Variants in CLDN10 observed in about 807,000 individuals in gnomAD.
The protein encoded by CLDN10 is claudin-10.
A neutral mutation model predicts 22.9 loss-of-function variants in CLDN10; 15 were observed. That is an observed-to-expected ratio of 0.65 (90% CI 0.44 to 1.01). CLDN10 has a LOEUF of 1.01. Among genes scored for constraint, CLDN10 ranks in the 50% least tolerant of loss-of-function variants. The pLI is 0.00. For synonymous variants in CLDN10, 114 were observed against 111.4 expected, an observed-to-expected ratio of 1.02 and a Z score of -0.15; for missense variants, 247 against 287.8, an observed-to-expected ratio of 0.86 and a Z score of 1.03.
chr13:95,501,707 GC>G (rs755452236), intron 1 of CLDN10, among the ~76,000 whole-genome samples: 1 of 151,894 alleles, frequency 6.6e-6, no homozygotes, highest in Non-Finnish European at 1.5e-5. Context: ...ATTGGGTCTT[GC>G]CTATTTTATC....
chr13:95,535,167 AC>A (rs1483460671), intron 1 of CLDN10, among the ~76,000 whole-genome samples: 8 of 152,336 alleles, frequency 5.3e-5, no homozygotes, highest in African/African-American at 1.4e-4. Context: ...ATCCTAGGAT[AC>A]CTTTTGTGTC....
intron 1 of CLDN10, among the ~76,000 whole-genome samples, chr13:95,481,010 GCTTCTTGA>G (rs1402023145): frequency 1.3e-5 from 2 of 152,128 alleles, no homozygotes; most frequent in African/African-American, 4.8e-5. Context: ...TGAGGAACTT[GCTTCTTGA>G]GCAAGAGGAC....
chr13:95,572,159 G>A (rs375299098), intron 3 of CLDN10, among the ~76,000 whole-genome samples: 24 of 152,220 alleles, frequency 1.6e-4, no homozygotes, highest in South Asian at 1.0e-3. Flanking sequence ...AAGGCAGCCC[G>A]AGGGCATTCA....
intron 1 of CLDN10, among the ~76,000 whole-genome samples, chr13:95,504,545 A>G (rs905251361): frequency 3.3e-5 from 5 of 151,914 alleles, no homozygotes; most frequent in African/African-American, 1.2e-4. Context: ...ACGCCCAGCT[A>G]ATTTTTATAT....
At chr13:95,542,746 G>A (rs1186563362) in intron 1 of CLDN10, among the ~76,000 whole-genome samples, 1 of 152,146 alleles carries the variant, frequency 6.6e-6, no homozygotes, top group East Asian at 1.9e-4. Flanking sequence ...GGCAGAAATT[G>A]CAGTGAGCCA....
chr13:95,548,999 G>T (rs891617756), upstream of CLDN10, among the ~76,000 whole-genome samples: 4 of 152,008 alleles, frequency 2.6e-5, no homozygotes, highest in Non-Finnish European at 4.4e-5. Context: ...ACCCCAGGGT[G>T]GGGGGGATCC....
chr13:95,521,075 T>C (rs1437788897), intron 1 of CLDN10, among the ~76,000 whole-genome samples: 5 of 149,958 alleles, frequency 3.3e-5, no homozygotes, highest in Non-Finnish European at 7.4e-5. Context: ...ATACTAATAA[T>C]TTTTCTGTAG....
At chr13:95,504,538 C>T (rs925349691) in intron 1 of CLDN10, among the ~76,000 whole-genome samples, 39 of 152,214 alleles carry the variant, frequency 2.6e-4, no homozygotes, top group Admixed American at 2.5e-3. Context: ...TGCCACCACG[C>T]CCAGCTAATT....
At chr13:95,486,330 C>T (rs2042802803) in intron 1 of CLDN10, among the ~76,000 whole-genome samples, 1 of 152,104 alleles carries the variant, frequency 6.6e-6, no homozygotes, top group Non-Finnish European at 1.5e-5. Context: ...TGAGACCAGC[C>T]TGGCCAACAT....
At chr13:95,479,123 G>C (rs376697395) in intron 1 of CLDN10, among the ~76,000 whole-genome samples, 12 of 152,358 alleles carry the variant, frequency 7.9e-5, no homozygotes, top group African/African-American at 2.6e-4. Context: ...GGCCGAGGCA[G>C]GCAGATCACG....
intron 1 of CLDN10, among the ~76,000 whole-genome samples, chr13:95,542,737 G>A (rs1473516472): frequency 6.6e-6 from 1 of 152,140 alleles, no homozygotes; most frequent in Non-Finnish European, 1.5e-5. Context: ...AACCCAGGAG[G>A]CAGAAATTGC....
chr13:95,568,411 G>A (rs767061698), intron 3 of CLDN10, among the ~76,000 whole-genome samples: 2 of 152,066 alleles, frequency 1.3e-5, no homozygotes, highest in Non-Finnish European at 2.9e-5. Flanking sequence ...AATATTTGGC[G>A]CTCTCTTTTG....
At chr13:95,453,933 C>T (rs1438577810) in intron 1 of CLDN10, among the ~76,000 whole-genome samples, 1 of 150,448 alleles carries the variant, frequency 6.6e-6, no homozygotes, top group Non-Finnish European at 1.5e-5. Context: ...GCCAACATTG[C>T]TCATCAATCT....
chr13:95,482,661 A>T (rs973095690), intron 1 of CLDN10, among the ~76,000 whole-genome samples: 20 of 152,184 alleles, frequency 1.3e-4, no homozygotes, highest in Admixed American at 1.1e-3. Flanking sequence ...CTCATGATGT[A>T]CTTAATCCTG....
chr13:95,499,940 A>G (rs2042967642), intron 1 of CLDN10, among the ~76,000 whole-genome samples: 1 of 152,222 alleles, frequency 6.6e-6, no homozygotes. Context: ...AAAATACCAC[A>G]AGAAAATTTC....
chr13:95,570,818 G>GTA (rs1302838719), intron 3 of CLDN10, among the ~76,000 whole-genome samples: 75 of 123,098 alleles, frequency 6.1e-4, no homozygotes, highest in African/African-American at 1.1e-3. Context: ...ATTTAAAAAT[G>GTA]TATATATATA....
Position 95,542,508 on chromosome 13 carries a change from A to G in CLDN10, c.215-17624A>G, listed in dbSNP as rs73547041. On this transcript the variant is annotated intron_variant, in intron 1 of 4. Coordinates refer to the CLDN10 transcript ENST00000376873. ...ATACTGCACTGGAAATATGTATGCT[A>G]CATTCACTAAATAATTTTAAAATGA... Among the ~76,000 whole-genome samples the G allele has an allele frequency of 2.5e-3, 375 of 152,352 alleles. 2 individuals carry two copies. Among genetic ancestry groups the G allele is most frequent in the African/African-American group, 8.7e-3 (360 of 41,580 alleles).
At chr13:95,450,680 A>C (rs1485599065) in intron 1 of CLDN10, among the ~76,000 whole-genome samples, 1 of 152,124 alleles carries the variant, frequency 6.6e-6, no homozygotes, top group Non-Finnish European at 1.5e-5. Context: ...AGCCAATGCA[A>C]AGTCCTGTCA....
chr13:95,506,031 C>T (rs936516075), intron 1 of CLDN10, among the ~76,000 whole-genome samples: 7 of 152,146 alleles, frequency 4.6e-5, no homozygotes, highest in Admixed American at 1.3e-4. Flanking sequence ...TGAGCCATTG[C>T]GCCTGGCTCC....
Sources: gnomAD v4.1 joint callset for allele counts (sites outside exome capture counted in the v4.1 genomes callset) on GRCh38, gnomAD v4.1.1 for gene constraint, MANE v1.5 for transcripts, NCBI Gene and HGNC (gene_info 2026-07-23, HGNC 2026-07-21) for gene names.